Variants in SLC25A21 observed in about 807,000 individuals in gnomAD.
SLC25A21 encodes mitochondrial 2-oxodicarboxylate carrier.
In SLC25A21, 47 loss-of-function variants were observed where a neutral mutation model predicts 43.8. The observed-to-expected ratio is 1.07, with a 90% confidence interval of 0.85 to 1.37. The LOEUF (loss-of-function observed/expected upper bound fraction) is 1.37. Ranked by LOEUF, SLC25A21 falls within the 40% of genes most tolerant of loss-of-function variation. The pLI is 0.00. For missense variants in SLC25A21, 352 were observed against 350.2 expected (o/e 1.00, Z -0.04); for synonymous variants, 131 against 121.3 (o/e 1.08, Z -0.52).
chr14:37,101,027 A>C (rs76672659), intron 1 of SLC25A21, among the ~76,000 whole-genome samples: 1,718 of 152,322 alleles, frequency 0.011, 20 homozygotes, highest in Middle Eastern at 0.062. Flanking sequence ...CTAAGAAATT[A>C]AATAAAATAA....
chr14:36,882,187 A>G (rs1890751378), intron 1 of SLC25A21, among the ~76,000 whole-genome samples: 2 of 152,180 alleles, frequency 1.3e-5, no homozygotes, highest in African/African-American at 4.8e-5. Context: ...ATTTGAGACC[A>G]GTTTGGCCAA....
chr14:36,696,332 G>A (rs1165585946), intron 7 of SLC25A21, among the ~76,000 whole-genome samples: 1 of 152,104 alleles, frequency 6.6e-6, no homozygotes, highest in African/African-American at 2.4e-5. Flanking sequence ...GAGGATTTTT[G>A]CATCAATGTT....
intron 1 of SLC25A21, among the ~76,000 whole-genome samples, chr14:37,090,748 C>T (rs1271934527): frequency 1.3e-5 from 2 of 152,174 alleles, no homozygotes; most frequent in South Asian, 2.1e-4. Flanking sequence ...CCTTTACATA[C>T]TAGACCTCTG....
chr14:36,906,375 T>A (rs180777246), intron 1 of SLC25A21, among the ~76,000 whole-genome samples: 1 of 152,272 alleles, frequency 6.6e-6, no homozygotes, highest in Admixed American at 6.5e-5. Context: ...TAGAAAAATA[T>A]TTGGGATACA....
intron 3 of SLC25A21, among the ~76,000 whole-genome samples, chr14:36,801,402 A>G (rs1887863917): frequency 6.6e-6 from 1 of 152,074 alleles, no homozygotes; most frequent in South Asian, 2.1e-4. Flanking sequence ...CTGAACACCA[A>G]CCTACAACTC....
chr14:36,874,825 T>C (rs1345909438), intron 2 of SLC25A21, 131 bp downstream of exon 2: 17 of 612,760 alleles, frequency 2.8e-5, no homozygotes, highest in Non-Finnish European at 1.4e-5. Flanking sequence ...GTACTTTCTT[T>C]AGAAGCAAAT....
chr14:36,806,574 C>A (rs1378707594), intron 3 of SLC25A21, among the ~76,000 whole-genome samples: 1 of 152,002 alleles, frequency 6.6e-6, no homozygotes, highest in Non-Finnish European at 1.5e-5. Context: ...TTAAAAGAAA[C>A]ACAGATTATT....
chr14:36,835,267 A>G (rs1037822049), intron 2 of SLC25A21, among the ~76,000 whole-genome samples: 2 of 152,234 alleles, frequency 1.3e-5, no homozygotes, highest in African/African-American at 4.8e-5. Context: ...GTGTTATTAT[A>G]AAGTGGGTAC....
At position 36,851,301 on chromosome 14, in the gene SLC25A21, C is replaced by T. The variant is rs571668691; in HGVS notation, c.119+23655G>A. ...AGAGTTTGGTGAGCTCCTGTTCAAC[C>T]GAGGACGGAAACCTGCACAGCTGGA... On this transcript the variant is annotated intron_variant, in intron 2 of 9. Transcript: ENST00000331299. 8.0e-4 allele frequency among the ~76,000 whole-genome samples: 122 copies of T among 152,222 alleles called. 1 individual carries two copies. The South Asian group carries it at 8.1e-3, about 10-fold the overall frequency.
At chr14:37,165,408 A>G (rs1964014414) in intron 1 of SLC25A21, among the ~76,000 whole-genome samples, 1 of 152,186 alleles carries the variant, frequency 6.6e-6, no homozygotes, top group East Asian at 1.9e-4. Flanking sequence ...GACTAAGGTA[A>G]GGCTGGAAAG....
intron 1 of SLC25A21, among the ~76,000 whole-genome samples, chr14:37,128,538 CTGTGTG>C (rs367948974): frequency 0.05 from 6,154 of 122,766 alleles, 518 homozygotes; most frequent in African/African-American, 0.18. Context: ...CTCTCTCTCT[CTGTGTG>C]TGTGTGTGTG....
chr14:37,110,682 T>C (rs1464895216), intron 1 of SLC25A21, among the ~76,000 whole-genome samples: 1 of 152,134 alleles, frequency 6.6e-6, no homozygotes, highest in Non-Finnish European at 1.5e-5. Context: ...CTTGGTTTCA[T>C]AAGGGACCAC....
At chr14:36,785,242 A>C (rs569203615) in intron 3 of SLC25A21, among the ~76,000 whole-genome samples, 1 of 152,344 alleles carries the variant, frequency 6.6e-6, no homozygotes, top group African/African-American at 2.4e-5. Context: ...ATGCTCTTCA[A>C]CTGCTTCATC....
At chr14:37,040,110 G>A (rs1961414374) in intron 1 of SLC25A21, among the ~76,000 whole-genome samples, 1 of 151,050 alleles carries the variant, frequency 6.6e-6, no homozygotes, top group Admixed American at 6.6e-5. Flanking sequence ...AGGAGCAGGA[G>A]AATTGCTGGA....
chr14:36,892,822 G>A (rs1891114699), intron 1 of SLC25A21, among the ~76,000 whole-genome samples: 1 of 152,034 alleles, frequency 6.6e-6, no homozygotes, highest in Non-Finnish European at 1.5e-5. Flanking sequence ...CCTTGCGATA[G>A]TTTGCTGAGA....
intron 3 of SLC25A21, among the ~76,000 whole-genome samples, chr14:36,755,491 C>G (rs1475872436): frequency 6.6e-6 from 1 of 152,140 alleles, no homozygotes; most frequent in Non-Finnish European, 1.5e-5. Flanking sequence ...CTATGTGACC[C>G]AAACTCCCAT....
At chr14:37,118,051 G>C (rs1963138304) in intron 1 of SLC25A21, among the ~76,000 whole-genome samples, 1 of 151,848 alleles carries the variant, frequency 6.6e-6, no homozygotes, top group Non-Finnish European at 1.5e-5. Context: ...AACCACCTTT[G>C]CAAAACTAAT....
At chr14:36,698,742 C>T (rs140613789) in intron 7 of SLC25A21, among the ~76,000 whole-genome samples, 2,363 of 152,158 alleles carry the variant, frequency 0.016, 68 homozygotes, top group African/African-American at 0.055. Context: ...ATGAAGTTCT[C>T]GTGCCATGGT....
chr14:36,892,298 G>C (rs1891093182), intron 1 of SLC25A21, among the ~76,000 whole-genome samples: 1 of 152,228 alleles, frequency 6.6e-6, no homozygotes, highest in South Asian at 2.1e-4. Context: ...AAACATATCT[G>C]AACTCCAATG....
Sources: allele counts gnomAD v4.1 joint callset (sites outside exome capture counted in the v4.1 genomes callset), GRCh38; gene constraint gnomAD v4.1.1; transcripts MANE v1.5; gene names NCBI Gene and HGNC (gene_info 2026-07-23, HGNC 2026-07-21).